The following WDR7 variants were observed in gnomAD, a reference collection of about 807,000 sequenced individuals.
WDR7 encodes WD repeat domain 7.
Under a neutral mutation model 169.4 loss-of-function variants are expected in WDR7, and 46 were observed. That is an observed-to-expected ratio of 0.27 (90% CI 0.21 to 0.35). The LOEUF (loss-of-function observed/expected upper bound fraction) is 0.35, where lower values mean the gene tolerates loss of function less well. WDR7 is among the 10% of genes least tolerant of loss of function. WDR7 has a pLI of 1.00. For synonymous variants in WDR7, 612 were observed against 666.8 expected (o/e 0.92, Z 1.27); for missense variants, 1,534 against 1,859.3 (o/e 0.83, Z 3.22).
chr18:56,864,620 T>C (rs2045855837), intron 20 of WDR7, among the ~76,000 whole-genome samples: 1 of 151,810 alleles, frequency 6.6e-6, no homozygotes, highest in African/African-American at 2.4e-5. Flanking sequence ...GTTATGTATT[T>C]AACCTCTCGG....
At chr18:56,858,671 G>C (rs2045757912) in intron 20 of WDR7, among the ~76,000 whole-genome samples, 3 of 151,800 alleles carry the variant, frequency 2.0e-5, no homozygotes, top group Non-Finnish European at 4.4e-5. Context: ...CTCTATCTTG[G>C]GCCAAATTAA....
chr18:56,657,311 G>C (rs2024798880), intron 1 of WDR7, among the ~76,000 whole-genome samples: 1 of 151,742 alleles, frequency 6.6e-6, no homozygotes, highest in Admixed American at 6.6e-5. Context: ...GTGCCCGCCA[G>C]GACACCCGGC....
chr18:56,863,577 T>C (rs1337681756), intron 20 of WDR7, among the ~76,000 whole-genome samples: 1 of 151,724 alleles, frequency 6.6e-6, no homozygotes, highest in African/African-American at 2.4e-5. Flanking sequence ...CCTGGCAAAT[T>C]ATTATAATTG....
intron 13 of WDR7, among the ~76,000 whole-genome samples, chr18:56,721,285 A>G (rs2026314753): frequency 6.6e-6 from 1 of 152,030 alleles, no homozygotes; most frequent in Non-Finnish European, 1.5e-5. Context: ...TTTCCTTTAT[A>G]CGTTTATGCA....
chr18:56,792,366 T>C (rs894529295), intron 19 of WDR7, among the ~76,000 whole-genome samples: 5 of 152,144 alleles, frequency 3.3e-5, no homozygotes, highest in Non-Finnish European at 7.4e-5. Context: ...ACCAGGTTAT[T>C]GGTTGGGAAT....
intron 20 of WDR7, among the ~76,000 whole-genome samples, chr18:56,857,804 G>A (rs914437539): frequency 1.3e-5 from 2 of 152,128 alleles, no homozygotes; most frequent in Admixed American, 6.5e-5. Context: ...CAGTATGGGA[G>A]CCCAGAGGAC....
intron 3 of WDR7, among the ~76,000 whole-genome samples, chr18:56,680,581 A>G (rs1343413905): frequency 6.6e-6 from 1 of 152,216 alleles, no homozygotes; most frequent in Non-Finnish European, 1.5e-5. Context: ...AAACTCTAAT[A>G]ATATCAGGAT....
At chr18:56,910,976 C>G (rs2046544309) in intron 21 of WDR7, among the ~76,000 whole-genome samples, 1 of 152,144 alleles carries the variant, frequency 6.6e-6, no homozygotes, top group Non-Finnish European at 1.5e-5. Context: ...TTTGCCTTCC[C>G]TCTTTGTTTG....
intron 14 of WDR7, among the ~76,000 whole-genome samples, chr18:56,737,041 G>A (rs1422676222): frequency 6.6e-6 from 1 of 152,148 alleles, no homozygotes; most frequent in African/African-American, 2.4e-5. Flanking sequence ...AGTAGGCTGT[G>A]ATTTCTGTTA....
intron 21 of WDR7, among the ~76,000 whole-genome samples, chr18:56,900,109 T>A (rs867736088): frequency 0.013 from 1,913 of 147,870 alleles, 49 homozygotes; most frequent in African/African-American, 0.045. Context: ...TATATATATA[T>A]AAAATTGTTA....
intron 20 of WDR7, among the ~76,000 whole-genome samples, chr18:56,847,512 A>T (rs2045585165): frequency 6.6e-6 from 1 of 152,184 alleles, no homozygotes; most frequent in South Asian, 2.1e-4. Flanking sequence ...CACTTGCTAG[A>T]GAGGTTAGTG....
At position 56,856,542 on chromosome 18, in the gene WDR7, T is replaced by A. The variant is rs536761097; in HGVS notation, c.3305-23402T>A. On this transcript the variant is annotated intron_variant, in intron 20 of 27. Transcript: ENST00000254442. ...GAGCAAGACTTAGTCTTTAAAAAAA[T>A]AAATAAATAAATAAAAATAGAAAAC... 5.9e-4 allele frequency among the ~76,000 whole-genome samples: 89 copies of A among 151,832 alleles called. 1 individual carries two copies. Among genetic ancestry groups the A allele is most frequent in the East Asian group, 5.0e-3 (26 of 5,176 alleles).
At chr18:56,927,909 G>A (rs2046829532) in intron 22 of WDR7, among the ~76,000 whole-genome samples, 1 of 152,122 alleles carries the variant, frequency 6.6e-6, no homozygotes, top group African/African-American at 2.4e-5. Context: ...AAAGTGGGAA[G>A]GAAGGTAAAA....
At chr18:56,915,642 G>A (rs1030259865) in intron 21 of WDR7, among the ~76,000 whole-genome samples, 1 of 152,100 alleles carries the variant, frequency 6.6e-6, no homozygotes, top group African/African-American at 2.4e-5. Context: ...ACCAAAGCCC[G>A]AGAAAGTAGT....
chr18:57,006,596 C>A (rs2048061395), intron 26 of WDR7, among the ~76,000 whole-genome samples: 2 of 152,100 alleles, frequency 1.3e-5, no homozygotes, highest in African/African-American at 2.4e-5. Flanking sequence ...AATAGATATT[C>A]CTCTAAAATT....
intron 21 of WDR7, among the ~76,000 whole-genome samples, chr18:56,905,776 A>G (rs1011557754): frequency 6.6e-6 from 1 of 152,106 alleles, no homozygotes; most frequent in Admixed American, 6.5e-5. Flanking sequence ...TAAAAAGACA[A>G]TACTAACTGT....
chr18:56,943,794 T>C (rs986085617), intron 25 of WDR7, among the ~76,000 whole-genome samples: 2 of 152,002 alleles, frequency 1.3e-5, no homozygotes, highest in African/African-American at 4.8e-5. Flanking sequence ...AGTCATTGAG[T>C]ATTTAAAAAC....
chr18:56,664,503 C>T (rs529088867), intron 1 of WDR7, among the ~76,000 whole-genome samples: 1 of 145,552 alleles, frequency 6.9e-6, no homozygotes, highest in African/African-American at 2.5e-5. Flanking sequence ...AAGATTTTTG[C>T]AGAGTTCAGA....
chr18:56,651,863 G>A (rs1308632227), intron 1 of WDR7: 1 of 152,366 alleles, frequency 6.6e-6, no homozygotes, highest in Non-Finnish European at 1.5e-5. Context: ...TGGTTCCCAG[G>A]TGCAATCTAA....
Sources: allele counts gnomAD v4.1 joint callset (sites outside exome capture counted in the v4.1 genomes callset), GRCh38; gene constraint gnomAD v4.1.1; transcripts MANE v1.5; gene names NCBI Gene and HGNC (gene_info 2026-07-23, HGNC 2026-07-21).